The following SVEP1 variants were observed in gnomAD, a reference collection of about 807,000 sequenced individuals.
SVEP1 encodes sushi, von Willebrand factor type A, EGF and pentraxin domain-containing protein 1.
A neutral mutation model predicts 367.3 loss-of-function variants in SVEP1; 164 were observed. That is an observed-to-expected ratio of 0.45 (90% CI 0.39 to 0.51). The LOEUF (loss-of-function observed/expected upper bound fraction) is 0.51. Ranked by LOEUF, SVEP1 falls within the 20% of genes least tolerant of loss-of-function variation. The probability of loss-of-function intolerance (pLI) is 0.00; values close to 1 mark genes in which losing one functional copy is unlikely to be tolerated. For missense variants in SVEP1, 4,117 were observed against 4,425.3 expected (o/e 0.93, Z 1.98); for synonymous variants, 1,666 against 1,611.6 (o/e 1.03, Z -0.81).
chr9:110,455,563 G>A, intron 22 of SVEP1, 27 bp downstream of exon 22: 1 of 1,540,702 alleles, frequency 6.5e-7, no homozygotes, highest in South Asian at 1.2e-5. Flanking sequence ...GATTTATATT[G>A]TTGAAAACAG....
chr9:110,571,694 T>G (rs1736005078), intron 1 of SVEP1, among the ~76,000 whole-genome samples: 1 of 152,206 alleles, frequency 6.6e-6, no homozygotes, highest in African/African-American at 2.4e-5. Flanking sequence ...TCATTCTAGT[T>G]TACATCATCT....
intron 18 of SVEP1, among the ~76,000 whole-genome samples, chr9:110,461,559 G>C (rs2118643537): frequency 6.6e-6 from 1 of 151,894 alleles, no homozygotes; most frequent in African/African-American, 2.4e-5. Flanking sequence ...AAAGGAGCAG[G>C]GTATGCCATG....
intron 8 of SVEP1, among the ~76,000 whole-genome samples, chr9:110,495,846 A>T (rs1470947429): frequency 6.6e-6 from 1 of 152,190 alleles, no homozygotes; most frequent in Non-Finnish European, 1.5e-5. Context: ...GATTCAGACA[A>T]GCTTGAAGAA....
At chr9:110,557,589 AT>A in intron 1 of SVEP1, among the ~76,000 whole-genome samples, 1 of 151,862 alleles carries the variant, frequency 6.6e-6, no homozygotes, top group African/African-American at 2.4e-5. Flanking sequence ...TTAGCAGAAA[AT>A]TTTCAAAGAA....
At chr9:110,399,174 G>A (rs193194265) in intron 40 of SVEP1, among the ~76,000 whole-genome samples, 14 of 152,260 alleles carry the variant, frequency 9.2e-5, no homozygotes, top group Non-Finnish European at 1.3e-4. Context: ...CATGAAAAAT[G>A]ATGAGTTCAT....
chr9:110,530,061 T>G (rs978909048), intron 3 of SVEP1, among the ~76,000 whole-genome samples: 4 of 152,294 alleles, frequency 2.6e-5, no homozygotes, highest in African/African-American at 9.6e-5. Flanking sequence ...GTTATTATTA[T>G]AAAGAGATGC....
chr9:110,522,807 T>C (rs1295319666), intron 3 of SVEP1, among the ~76,000 whole-genome samples: 1 of 152,174 alleles, frequency 6.6e-6, no homozygotes. Context: ...TCACATTCAA[T>C]AAGAAATTAG....
chr9:110,390,111 A>ATATATACAAG (rs1554710714), intron 40 of SVEP1, among the ~76,000 whole-genome samples: 19 of 100,850 alleles, frequency 1.9e-4, no homozygotes, highest in South Asian at 6.5e-4. Flanking sequence ...TTATATAAGT[A>ATATATACAAG]TATATACATA....
Position 110,458,453 on chromosome 9 carries a change from T to C in SVEP1, c.3576+18A>G. The C allele has an allele frequency of 8.7e-6, 14 of 1,604,930 alleles. No homozygotes were observed. The highest frequency in any genetic ancestry group is 1.2e-5 in the Non-Finnish European group (14 of 1,174,890). ...CCAAGCATTCCACTAGAGAACAGTT[T>C]ATGCAAAATGAACTTGCCTGACTGC... On this transcript the variant is annotated intron_variant, in intron 20 of 47. Transcript: ENST00000374469.
intron 9 of SVEP1, among the ~76,000 whole-genome samples, chr9:110,489,117 T>C (rs1168194378): frequency 6.6e-6 from 1 of 152,010 alleles, no homozygotes; most frequent in Non-Finnish European, 1.5e-5. Context: ...GAAGTGGTAA[T>C]AGTTAAAGGG....
At chr9:110,501,209 T>A (rs1829524277) in intron 6 of SVEP1, among the ~76,000 whole-genome samples, 1 of 149,288 alleles carries the variant, frequency 6.7e-6, no homozygotes, top group South Asian at 2.1e-4. Flanking sequence ...TGGAAAGAAC[T>A]TAACATTTTG....
chr9:110,428,321 C>T (rs556827376), intron 35 of SVEP1, among the ~76,000 whole-genome samples: 1 of 152,130 alleles, frequency 6.6e-6, no homozygotes, highest in African/African-American at 2.4e-5. Context: ...TTTCTCTTCA[C>T]TCGATCTGTT....
At position 110,579,266 on chromosome 9, in the gene SVEP1, C is replaced by T; in HGVS notation, c.278G>A (p.Ser93Asn). Residue 93 changes from serine to asparagine, a missense_variant, in exon 1 of 48, where the codon AGC (serine) becomes AAC (asparagine). Physicochemically the swap from Ser to Asn is conservative, Grantham distance 46. This residue lies in a region of SVEP1 where 161 missense variants were observed against 122.4 expected (regional missense o/e 1.32). Transcript: ENST00000374469. This position sits in a 1 kb window ranked among gnomAD's most constrained non-coding sequence, Gnocchi z 5.3. The stretch of plus-strand genomic sequence containing the variant: ...GCTGCGGAAGTTGACTTCGCCCACG[C>T]TGGACGAATCATCCACCAGGAAGAC... Reference protein sequence around the residue: ...ELVFLVDDSSSVGEVNFRSEL... With the variant: ...ELVFLVDDSSNVGEVNFRSEL... 1 of 1,572,316 alleles carries T rather than the reference C, an allele frequency of 6.4e-7. No homozygotes were observed. The highest frequency in any genetic ancestry group is 8.6e-7 in the Non-Finnish European group (1 of 1,160,102).
At chr9:110,446,450 C>T (rs1397413723) in intron 25 of SVEP1, among the ~76,000 whole-genome samples, 2 of 152,158 alleles carry the variant, frequency 1.3e-5, no homozygotes, top group East Asian at 3.9e-4. Flanking sequence ...CTGGCTTTTC[C>T]CTATTTCATG....
chr9:110,521,853 A>C (rs917625149), intron 3 of SVEP1, among the ~76,000 whole-genome samples: 11 of 152,184 alleles, frequency 7.2e-5, no homozygotes, highest in Admixed American at 5.2e-4. Flanking sequence ...TCATGTAAGA[A>C]AGAGAAAAAA....
chr9:110,514,282 C>T lies in SVEP1; in HGVS notation c.965-176G>A, dbSNP rs1310519354. On this transcript the variant is annotated intron_variant, in intron 3 of 47. Coordinates refer to ENST00000374469, the MANE Select transcript of SVEP1 (RefSeq NM_153366.4). ...ATCCCTGTACTTTGGGAAGCAGAGGCGGGTGGATCACCTGAGGTCAGGAGT... is the reference window on the plus strand; with the variant it reads ...ATCCCTGTACTTTGGGAAGCAGAGGTGGGTGGATCACCTGAGGTCAGGAGT... 34 of 730,824 alleles carry T rather than the reference C, an allele frequency of 4.7e-5. No individual in the cohort carries two copies. In the Admixed American group the frequency reaches 5.1e-4, roughly 11 times the overall value. The allele number at this position is 730,824 out of a possible 1,614,324, so 45.3% of individuals were successfully genotyped here. A position where few individuals can be genotyped will look rare whatever the true frequency, so the allele number is the denominator to read the frequency against.
chr9:110,560,421 G>A (rs1045024601), intron 1 of SVEP1, among the ~76,000 whole-genome samples: 2 of 151,982 alleles, frequency 1.3e-5, no homozygotes, highest in African/African-American at 2.4e-5. Context: ...GTGTCTTTAG[G>A]GTTTTTCATT....
chr9:110,444,876 A>G (rs1347183993), intron 26 of SVEP1, among the ~76,000 whole-genome samples: 3 of 152,156 alleles, frequency 2.0e-5, no homozygotes, highest in African/African-American at 7.2e-5. Context: ...GGTTTTTGCA[A>G]ACTTCTTGGA....
At chr9:110,414,348 T>C (rs1828086759) in intron 36 of SVEP1, among the ~76,000 whole-genome samples, 1 of 152,000 alleles carries the variant, frequency 6.6e-6, no homozygotes, top group Non-Finnish European at 1.5e-5. Context: ...AGCAGAGCTA[T>C]ATGCAGCCAC....
Sources: allele counts gnomAD v4.1 joint callset (sites outside exome capture counted in the v4.1 genomes callset), GRCh38; gene constraint gnomAD v4.1.1; regional missense constraint gnomAD v4.1.1; non-coding constraint Gnocchi (gnomAD v3.1); transcripts MANE v1.5; gene names NCBI Gene and HGNC (gene_info 2026-07-23, HGNC 2026-07-21).